The following STXBP5L variants were observed in gnomAD, a reference collection of about 807,000 sequenced individuals.
STXBP5L encodes syntaxin-binding protein 5-like.
STXBP5L carries 65 observed loss-of-function variants against 144.5 expected under a neutral mutation model. That is an observed-to-expected ratio of 0.45 (90% CI 0.37 to 0.55). STXBP5L has a LOEUF of 0.55. Among genes scored for constraint, STXBP5L ranks in the 20% least tolerant of loss-of-function variants. STXBP5L has a pLI of 0.00. For synonymous variants in STXBP5L, 505 were observed against 469.6 expected, an observed-to-expected ratio of 1.08 and a Z score of -0.97; for missense variants, 1,298 against 1,405.5, an observed-to-expected ratio of 0.92 and a Z score of 1.22.
chr3:121,329,236 A>T (rs1577471134), intron 20 of STXBP5L, among the ~76,000 whole-genome samples: 1 of 152,128 alleles, frequency 6.6e-6, no homozygotes, highest in South Asian at 2.1e-4. Context: ...GACTTAAAAG[A>T]TTGCTTTTTG....
chr3:121,363,265 C>T (rs1287999864), intron 20 of STXBP5L, among the ~76,000 whole-genome samples: 1 of 152,118 alleles, frequency 6.6e-6, no homozygotes, highest in Non-Finnish European at 1.5e-5. Context: ...ATGTTGTTTG[C>T]CCCCGACTCT....
At chr3:121,054,637 G>C (rs911635411) in intron 5 of STXBP5L, among the ~76,000 whole-genome samples, 3 of 150,780 alleles carry the variant, frequency 2.0e-5, no homozygotes, top group East Asian at 3.9e-4. Flanking sequence ...ATACCTAATG[G>C]TAAATGACGA....
chr3:120,963,022 A>G (rs1035851685), intron 3 of STXBP5L, among the ~76,000 whole-genome samples: 7 of 152,082 alleles, frequency 4.6e-5, no homozygotes, highest in Non-Finnish European at 1.0e-4. Context: ...TAGGTATTTT[A>G]TTCTCTTTGT....
intron 3 of STXBP5L, among the ~76,000 whole-genome samples, chr3:121,033,889 G>A (rs1946563291): frequency 6.6e-6 from 1 of 151,900 alleles, no homozygotes; most frequent in Non-Finnish European, 1.5e-5. Context: ...ATACATTACT[G>A]CTTTAAGAAA....
intron 3 of STXBP5L, among the ~76,000 whole-genome samples, chr3:120,971,167 T>C (rs1456379505): frequency 6.6e-6 from 1 of 152,150 alleles, no homozygotes; most frequent in Non-Finnish European, 1.5e-5. Flanking sequence ...AATTTGGGCC[T>C]TCCTGCAGAT....
chr3:120,910,576 A>T lies in STXBP5L; in HGVS notation c.189+809A>T, dbSNP rs535239390. Among the ~76,000 whole-genome samples, 8 of 152,280 alleles carry T rather than the reference A, an allele frequency of 5.3e-5. 1 individual carries two copies. The highest frequency in any genetic ancestry group is 1.4e-4 in the African/African-American group (6 of 41,576). ...TATATGCAACAAAGGCTACTAAGTT[A>T]TTTATGTCATATAAATGAATATAGT... On this transcript the variant is annotated intron_variant, in intron 2 of 26. Coordinates refer to ENST00000471454, the MANE Select transcript of STXBP5L (RefSeq NM_001308330.2).
At chr3:121,256,535 A>G (rs2050210819) in intron 16 of STXBP5L, among the ~76,000 whole-genome samples, 1 of 151,930 alleles carries the variant, frequency 6.6e-6, no homozygotes, top group Non-Finnish European at 1.5e-5. Flanking sequence ...TTTATCAAGT[A>G]ATTCTGATCT....
At chr3:121,390,350 G>A (rs551102090) in intron 22 of STXBP5L, among the ~76,000 whole-genome samples, 1 of 152,250 alleles carries the variant, frequency 6.6e-6, no homozygotes, top group Admixed American at 6.5e-5. Flanking sequence ...CAATTTGCCA[G>A]TCTGTGTCTT....
At chr3:121,098,055 G>A (rs1018535400) in intron 5 of STXBP5L, among the ~76,000 whole-genome samples, 41 of 152,050 alleles carry the variant, frequency 2.7e-4, no homozygotes, top group Admixed American at 1.3e-3. Context: ...AATTTTCTAT[G>A]TATCCCTATT....
intron 22 of STXBP5L, among the ~76,000 whole-genome samples, chr3:121,396,062 A>G (rs985636999): frequency 6.6e-6 from 1 of 152,184 alleles, no homozygotes; most frequent in Non-Finnish European, 1.5e-5. Flanking sequence ...CCTATTTCCC[A>G]ACTTTTTGTT....
intron 3 of STXBP5L, among the ~76,000 whole-genome samples, chr3:120,971,915 C>T (rs937585447): frequency 6.6e-6 from 1 of 151,858 alleles, no homozygotes; most frequent in Admixed American, 6.6e-5. Flanking sequence ...TTAACCAACC[C>T]TTCATATCAT....
At chr3:121,409,323 TAA>T in intron 23 of STXBP5L, among the ~76,000 whole-genome samples, 1 of 151,690 alleles carries the variant, frequency 6.6e-6, no homozygotes, top group Middle Eastern at 3.4e-3. Context: ...CTTCATTAAA[TAA>T]AAAGAGAAGA....
In STXBP5L at chr3:121,353,953, C is replaced by T. The variant is rs548777834; in HGVS notation, c.2177-24763C>T. Among the ~76,000 whole-genome samples, 9 of 152,292 alleles carry T rather than the reference C, an allele frequency of 5.9e-5. No individual in the cohort carries two copies. In the East Asian group the frequency reaches 1.3e-3, roughly 23 times the overall value. On this transcript the variant is annotated intron_variant, in intron 20 of 26. Transcript: ENST00000471454. The stretch of plus-strand genomic sequence containing the variant: ...ATTCGTTATTTACCCAGTAGTCATT[C>T]AGTGGCAAGTTGTTCAGTTTCCAAA...
At chr3:121,021,095 C>A (rs1015139814) in intron 3 of STXBP5L, among the ~76,000 whole-genome samples, 2 of 151,584 alleles carry the variant, frequency 1.3e-5, no homozygotes, top group Non-Finnish European at 2.9e-5. Flanking sequence ...TGCAACTGGA[C>A]ACCAGAAGCA....
At position 121,415,846 on chromosome 3, in the gene STXBP5L, A is replaced by G; in HGVS notation, c.3115-11A>G. ...GTTGTTCTAATGCTTTTTTCTGTGAATTTGATGCAGGACATGCTAGGAGAT... is the reference window on the plus strand; with the variant it reads ...GTTGTTCTAATGCTTTTTTCTGTGAGTTTGATGCAGGACATGCTAGGAGAT... On this transcript the variant is annotated splice_polypyrimidine_tract_variant and intron_variant, in intron 24 of 26. Coordinates refer to ENST00000471454, the MANE Select transcript of STXBP5L (RefSeq NM_001308330.2). 6.4e-7 allele frequency: 1 copy of G among 1,573,128 alleles called. No homozygotes were observed. The highest frequency in any genetic ancestry group is 8.7e-7 in the Non-Finnish European group (1 of 1,155,950).
Position 120,934,671 on chromosome 3 carries a change from C to T in STXBP5L, c.190-20269C>T, listed in dbSNP as rs551927084. 2.0e-5 allele frequency among the ~76,000 whole-genome samples: 3 copies of T among 152,088 alleles called. No individual in the cohort carries two copies. The South Asian group carries it at 6.2e-4, about 32-fold the overall frequency. ...TTTTTGCTTTACGTATTTTGATGCT[C>T]TATTGTTAGACACATAGACATTAAG... is the stretch of plus-strand genomic sequence containing the variant. On this transcript the variant is annotated intron_variant, in intron 2 of 26. Transcript: ENST00000471454.
intron 5 of STXBP5L, among the ~76,000 whole-genome samples, chr3:121,051,269 C>G (rs1405188335): frequency 6.6e-6 from 1 of 152,180 alleles, no homozygotes; most frequent in East Asian, 1.9e-4. Flanking sequence ...CACCCCAAAT[C>G]AACAGAATAT....
At chr3:121,164,558 T>C (rs2046435307) in intron 9 of STXBP5L, among the ~76,000 whole-genome samples, 1 of 152,044 alleles carries the variant, frequency 6.6e-6, no homozygotes, top group African/African-American at 2.4e-5. Flanking sequence ...CCAAAGGAAA[T>C]GAAATCACCA....
intron 19 of STXBP5L, among the ~76,000 whole-genome samples, chr3:121,284,015 CTT>C (rs1311998928): frequency 1.3e-5 from 2 of 151,510 alleles, no homozygotes; most frequent in African/African-American, 4.8e-5. Flanking sequence ...CTGTAATAAA[CTT>C]GTAATTATTT....
Sources: allele counts gnomAD v4.1 joint callset (sites outside exome capture counted in the v4.1 genomes callset), GRCh38; gene constraint gnomAD v4.1.1; transcripts MANE v1.5; gene names NCBI Gene and HGNC (gene_info 2026-07-23, HGNC 2026-07-21).